The following SDK2 variants were observed in gnomAD, a reference collection of about 807,000 sequenced individuals.
SDK2 encodes the protein sidekick cell adhesion molecule 2.
In SDK2, 105 loss-of-function variants were observed where a neutral mutation model predicts 253.9. The observed-to-expected ratio is 0.41, with a 90% CI of 0.35 to 0.49. The LOEUF is 0.49. Ranked by LOEUF, SDK2 falls within the 20% of genes least tolerant of loss-of-function variation. The probability of loss-of-function intolerance (pLI) is 0.06; values close to 1 mark genes in which losing one functional copy is unlikely to be tolerated. For synonymous variants in SDK2, 1,249 were observed against 1,234.9 expected (o/e 1.01, Z -0.24); for missense variants, 2,608 against 3,003.0 (o/e 0.87, Z 3.07).
chr17:73,566,196 G>A (rs2045309262), intron 1 of SDK2, among the ~76,000 whole-genome samples: 2 of 152,124 alleles, frequency 1.3e-5, no homozygotes, highest in African/African-American at 4.8e-5. Flanking sequence ...TGACACATCT[G>A]CTCTCCCCTT....
chr17:73,390,475 T>C lies in SDK2; in HGVS notation c.4004A>G (p.Gln1335Arg). 1 of 1,609,810 alleles carries C rather than the reference T, an allele frequency of 6.2e-7. No individual in the cohort carries two copies. Among genetic ancestry groups the C allele is most frequent in the Non-Finnish European group, 8.5e-7 (1 of 1,177,448 alleles). ...AAPNGIILAY[Q>R]ITHRLNTTTA... ...GGTGGTGTTGAGCCGGTGTGTGATC[T>C]GGTAAGCTGTGGGAAGGAAGCACAT... is the stretch of plus-strand genomic sequence containing the variant. The change falls in exon 29 of 45, where the codon CAG becomes CGG. Residue 1335 changes from glutamine (Q) to arginine (R), a missense_variant. Gln to Arg is a conservative substitution (Grantham distance 43, BLOSUM62 1). Transcript: ENST00000392650.
At chr17:73,429,012 G>A (rs1036615556) in intron 12 of SDK2, among the ~76,000 whole-genome samples, 2 of 152,184 alleles carry the variant, frequency 1.3e-5, no homozygotes, top group African/African-American at 4.8e-5. Context: ...TACTTTGCAA[G>A]AGACCCCCGA....
In SDK2 at chr17:73,440,892, G is replaced by A; in HGVS notation, c.645C>T (p.Pro215=). Residue 215 remains proline (P), a synonymous_variant, in exon 6 of 45, where the codon CCC becomes CCT. Coordinates refer to ENST00000392650, the MANE Select transcript of SDK2 (RefSeq NM_001144952.2). ...TGTTTTTAGGTGGGATGATGATGGT[G>A]GGTGCGATGGGGTCTGCAGGCCCCC... is the stretch of plus-strand genomic sequence containing the variant. ...NVGGPADPIA[P]TIIIPPKNTS... 6.4e-7 allele frequency: 1 copy of A among 1,551,612 alleles called. No homozygotes were observed. Among genetic ancestry groups the A allele is most frequent in the Non-Finnish European group, 8.7e-7 (1 of 1,146,918 alleles).
intron 15 of SDK2, among the ~76,000 whole-genome samples, chr17:73,421,066 T>C (rs771700448): frequency 3.9e-4 from 59 of 152,314 alleles, no homozygotes; most frequent in Non-Finnish European, 6.8e-4. Context: ...AGTTGCAGGG[T>C]AGCTTCCCCT....
At chr17:73,367,091 C>A (rs986266601) in intron 37 of SDK2, among the ~76,000 whole-genome samples, 3 of 152,106 alleles carry the variant, frequency 2.0e-5, no homozygotes, top group Non-Finnish European at 4.4e-5. Context: ...GCAACCTCCA[C>A]CTCCCAGGTT....
chr17:73,419,166 C>T lies in SDK2; in HGVS notation c.2186G>A (p.Arg729Lys). 2 of 1,611,766 alleles carry T rather than the reference C, an allele frequency of 1.2e-6. No homozygotes were observed. Among genetic ancestry groups the T allele is most frequent in the Non-Finnish European group, 1.7e-6 (2 of 1,179,154 alleles). Residue 729 changes from arginine to lysine, a missense_variant and splice_region_variant, in exon 16 of 45, where the codon AGG (arginine) becomes AAG (lysine). Around this residue, in one of 2 missense-constraint regions of SDK2, gnomAD observed 1,505 missense variants for 1,859.1 expected, o/e 0.81. Coordinates refer to ENST00000392650, the MANE Select transcript of SDK2 (RefSeq NM_001144952.2). ...TCCTGTCCCCAGGGTGGACACCCAC[C>T]TGATGATGTAACCCTTGAGAATTCC... ...QNGILKGYII[R>K]YCLAGLPVGY... is the part of the protein sequence containing the mutation.
chr17:73,572,114 G>C (rs2045397077), intron 1 of SDK2, among the ~76,000 whole-genome samples: 1 of 152,220 alleles, frequency 6.6e-6, no homozygotes, highest in Admixed American at 6.5e-5. Flanking sequence ...CAGTGCAGGT[G>C]TTGTCTTCTA....
chr17:73,438,350 T>C (rs1277757654), intron 6 of SDK2, among the ~76,000 whole-genome samples, 196 bp from the exon 7 acceptor site: 1 of 152,128 alleles, frequency 6.6e-6, no homozygotes, highest in Non-Finnish European at 1.5e-5. Flanking sequence ...TTCTATAAAG[T>C]GGGCGCATCT....
chr17:73,390,710 G>C (rs2062921006), intron 28 of SDK2, among the ~76,000 whole-genome samples: 1 of 152,210 alleles, frequency 6.6e-6, no homozygotes, highest in South Asian at 2.1e-4. Flanking sequence ...TCTATGCACA[G>C]TGTCTGTGAC....
At chr17:73,385,428 T>C (rs55894816) in intron 32 of SDK2, among the ~76,000 whole-genome samples, 51,501 of 152,000 alleles carry the variant, frequency 0.34, 10,996 homozygotes, top group Non-Finnish European at 0.48. Context: ...CACCGACCAG[T>C]GGGGCTTCAT....
At position 73,612,126 on chromosome 17, in the gene SDK2, G is replaced by C. The variant is rs577648395; in HGVS notation, c.64+31899C>G. 3.0e-4 allele frequency among the ~76,000 whole-genome samples: 45 copies of C among 152,334 alleles called. No homozygotes were observed. The highest frequency in any genetic ancestry group is 1.0e-3 in the African/African-American group (43 of 41,552). ...TGCAAACGCATTGAGAACTCGTTATGAAAATAAACAGCAATTCCTTTCACC... is the reference window on the plus strand; with the variant it reads ...TGCAAACGCATTGAGAACTCGTTATCAAAATAAACAGCAATTCCTTTCACC... On this transcript the variant is annotated intron_variant, in intron 1 of 44. Coordinates refer to ENST00000392650, the MANE Select transcript of SDK2 (RefSeq NM_001144952.2). This position sits in a 1 kb window ranked among gnomAD's most constrained non-coding sequence, Gnocchi z 4.4.
chr17:73,518,723 T>C (rs2064051277), intron 1 of SDK2: 1 of 152,192 alleles, frequency 6.6e-6, no homozygotes, highest in Non-Finnish European at 1.5e-5. Flanking sequence ...TTCAGATTCA[T>C]TTGAGCTATA....
At position 73,455,790 on chromosome 17, in the gene SDK2, G is replaced by T; in HGVS notation, c.479+116C>A. The T allele has an allele frequency of 8.3e-7, 1 of 1,202,424 alleles. No homozygotes were observed. The highest frequency in any genetic ancestry group is 1.1e-6 in the Non-Finnish European group (1 of 894,626). The allele number at this position is 1,202,424 out of a possible 1,614,324, so 74.5% of individuals were successfully genotyped here. A position where few individuals can be genotyped will look rare whatever the true frequency, so the allele number is the denominator to read the frequency against. ...TACCTGGCTGTGTCCCACAGGAGCT[G>T]AAAGGGGCTTCTGCACAAAGGCCCT... On this transcript the variant is annotated intron_variant, in intron 4 of 44. Coordinates refer to ENST00000392650, the MANE Select transcript of SDK2 (RefSeq NM_001144952.2). This position sits in a 1 kb window ranked among gnomAD's most constrained non-coding sequence, Gnocchi z 5.0.
intron 2 of SDK2, among the ~76,000 whole-genome samples, chr17:73,494,205 G>A: frequency 6.6e-6 from 1 of 152,224 alleles, no homozygotes; most frequent in Non-Finnish European, 1.5e-5. Flanking sequence ...GCACTGCACG[G>A]AGACTCAGGG....
chr17:73,382,475 A>G (rs1346414188), intron 33 of SDK2, among the ~76,000 whole-genome samples: 3 of 152,218 alleles, frequency 2.0e-5, no homozygotes, highest in Admixed American at 2.0e-4. Context: ...CAAACAAGCC[A>G]AAGGTGTAGA....
chr17:73,528,931 C>T (rs1034865031), intron 1 of SDK2, among the ~76,000 whole-genome samples: 61 of 152,340 alleles, frequency 4.0e-4, no homozygotes, highest in Admixed American at 2.4e-3. Flanking sequence ...CTCGCCCCTG[C>T]ACCTCTGCCA....
At chr17:73,358,921 G>A (rs148630747) in intron 39 of SDK2, among the ~76,000 whole-genome samples, 27 of 152,116 alleles carry the variant, frequency 1.8e-4, no homozygotes, top group South Asian at 2.1e-4. Flanking sequence ...GCCAGTGAGG[G>A]AGCCGGCCCT....
At chr17:73,439,475 C>A (rs1458389880) in intron 6 of SDK2, among the ~76,000 whole-genome samples, 1 of 152,092 alleles carries the variant, frequency 6.6e-6, no homozygotes, top group South Asian at 2.1e-4. Context: ...AACCCCAGCA[C>A]TTTGGGAGGC....
At chr17:73,359,632 T>C (rs1353352646) in intron 39 of SDK2, among the ~76,000 whole-genome samples, 1 of 152,144 alleles carries the variant, frequency 6.6e-6, no homozygotes, top group Non-Finnish European at 1.5e-5. Flanking sequence ...ACCCACACCA[T>C]GTGGGAGGAT....
Sources: allele counts gnomAD v4.1 joint callset (sites outside exome capture counted in the v4.1 genomes callset), GRCh38; gene constraint gnomAD v4.1.1; regional missense constraint gnomAD v4.1.1; non-coding constraint Gnocchi (gnomAD v3.1); transcripts MANE v1.5; gene names NCBI Gene and HGNC (gene_info 2026-07-23, HGNC 2026-07-21).